LAMA5: variants seen among roughly 807,000 people sequenced by gnomAD.
LAMA5 encodes the protein laminin subunit alpha-5.
A neutral mutation model predicts 433.4 loss-of-function variants in LAMA5; 260 were observed. The ratio of observed to expected loss-of-function variants is 0.60; its 90% confidence interval spans 0.54 to 0.66. The LOEUF (loss-of-function observed/expected upper bound fraction) is 0.66. Among genes scored for constraint, LAMA5 ranks in the 30% least tolerant of loss-of-function variants. The probability of loss-of-function intolerance (pLI) is 0.00; values close to 1 mark genes in which losing one functional copy is unlikely to be tolerated. For synonymous variants in LAMA5, 2,620 were observed against 2,226.6 expected (o/e 1.18, Z -4.97); for missense variants, 5,378 against 5,258.5 (o/e 1.02, Z -0.70).
Position 62,317,024 on chromosome 20 carries a change from C to T in LAMA5, c.7512-1G>A. 2 of 1,523,510 alleles carry T rather than the reference C, an allele frequency of 1.3e-6. No individual in the cohort carries two copies. The highest frequency in any genetic ancestry group is 1.8e-6 in the Non-Finnish European group (2 of 1,133,914). 94.4% of individuals were successfully genotyped at this position (1,523,510 alleles called of 1,614,324 possible). On this transcript the variant is annotated splice_acceptor_variant, in intron 55 of 79. Transcript: ENST00000252999. LOFTEE classifies it high-confidence loss of function. ...GTCCTGGTTGACGTCCAGGATGATG[C>T]TGCAGCGGAAGGGAGGGTCGAAGGA...
rs1266917725 is a variant in LAMA5 at position 62,367,307 on chromosome 20, G to A, written c.-62C>T. The A allele has an allele frequency of 3.6e-6, 4 of 1,106,890 alleles. No individual in the cohort carries two copies. The highest frequency in any genetic ancestry group is 3.3e-6 in the Non-Finnish European group (3 of 905,592). 68.6% of individuals were successfully genotyped at this position (1,106,890 alleles called of 1,614,324 possible). On this transcript the variant is annotated 5_prime_UTR_variant, in exon 1 of 80. Transcript: ENST00000252999. ...ACAGCGCGCGCGGCGGGAGCCCGGC[G>A]GGTCTGAAGCCAGGCGGCCGGCAGG...
chr20:62,358,856 G>A (rs1985624706), intron 2 of LAMA5, among the ~76,000 whole-genome samples: 1 of 152,118 alleles, frequency 6.6e-6, no homozygotes, highest in South Asian at 2.1e-4. Context: ...ACCCCCACTT[G>A]GAGGGGACAG....
Position 62,312,799 on chromosome 20 carries a change from C to T in LAMA5, c.9079-19G>A, listed in dbSNP as rs766744406. On this transcript the variant is annotated intron_variant, in intron 66 of 79. Transcript: ENST00000252999. ...CCTGGATCTACAGGACCAGTGGGGG[C>T]TCCAGGGCCAGCTGTGTCCCTGCGG... 3.8e-6 allele frequency: 6 copies of T among 1,596,078 alleles called. No homozygotes were observed. The highest frequency in any genetic ancestry group is 1.7e-5 in the Admixed American group (1 of 58,732).
In LAMA5 at chr20:62,352,309, A is replaced by G; in HGVS notation, c.620T>C (p.Ile207Thr). ...ERFGPQTLER[I>T]TRDDAAICTT... is the part of the protein sequence containing the mutation. ...GCAGATGGCCGCGTCGTCCCGTGTG[A>G]TGCGCTCCAGCGTCTGTGGCCCGAA... Residue 207 changes from isoleucine to threonine, a missense_variant, in exon 4 of 80, where the codon ATC becomes ACC. Coordinates refer to ENST00000252999, the MANE Select transcript of LAMA5 (RefSeq NM_005560.6). 6.3e-7 allele frequency: 1 copy of G among 1,599,890 alleles called. No homozygotes were observed. The highest frequency in any genetic ancestry group is 8.5e-7 in the Non-Finnish European group (1 of 1,179,692).
chr20:62,316,049 G>A lies in LAMA5; in HGVS notation c.7766C>T (p.Ala2589Val), dbSNP rs1269916830. Residue 2589 changes from alanine to valine, a missense_variant, in exon 58 of 80, where the codon GCC becomes GTC. Physicochemically the swap from Ala to Val is moderately conservative, Grantham distance 64. Coordinates refer to ENST00000252999, the MANE Select transcript of LAMA5 (RefSeq NM_005560.6). Reference protein sequence around the residue: ...EQQRLGLVWAALQGARTQLRD... With the variant: ...EQQRLGLVWAVLQGARTQLRD... ...GAGCTGGGTCCTGGCACCCTGGAGG[G>A]CAGCCCACACTGCGGGGGAGGCAGC... 1.9e-6 allele frequency: 3 copies of A among 1,607,304 alleles called. No individual in the cohort carries two copies. The highest frequency in any genetic ancestry group is 1.7e-6 in the Non-Finnish European group (2 of 1,178,738).
At position 62,335,044 on chromosome 20, in the gene LAMA5, T is replaced by C. The variant is rs1354619563; in HGVS notation, c.2459A>G (p.Gln820Arg). The C allele has an allele frequency of 1.9e-6, 3 of 1,612,834 alleles. No homozygotes were observed. The highest frequency in any genetic ancestry group is 2.7e-5 in the African/African-American group (2 of 74,882). ...ACTGCGGCAGCCAAAATAGTCAGCC[T>C]GATCCAGTCCAAAGAAGCCATCCTT... is the stretch of plus-strand genomic sequence containing the variant. ...SCKDGFFGLD[Q>R]ADYFGCRSCR... Residue 820 changes from glutamine to arginine, a missense_variant, in exon 20 of 80, where the codon CAG becomes CGG. Transcript: ENST00000252999.
At chr20:62,361,264 G>GA (rs796472582) in intron 2 of LAMA5, among the ~76,000 whole-genome samples, 7 of 152,288 alleles carry the variant, frequency 4.6e-5, no homozygotes, top group African/African-American at 1.7e-4. Flanking sequence ...GGCCAGGGCA[G>GA]GGCTAGGGGC....
Position 62,317,441 on chromosome 20 carries a change from A to ATCCTCTGCAGCAGTGGGG in LAMA5, c.7397_7414dup (p.Thr2466_Arg2471dup). 1 of 1,599,770 alleles carries ATCCTCTGCAGCAGTGGGG rather than the reference A, an allele frequency of 6.3e-7. No individual in the cohort carries two copies. Among genetic ancestry groups the ATCCTCTGCAGCAGTGGGG allele is most frequent in the African/African-American group, 1.3e-5 (1 of 74,730 alleles). On this transcript the variant is annotated inframe_insertion, in exon 55 of 80. Transcript: ENST00000252999. Reference sequence around the variant, plus strand: ...GCTGCCCGCCGGGGAGAAGGTCTGCATCCTCTGCAGCAGTGGGGTCCGAGC... The same window carrying ATCCTCTGCAGCAGTGGGG: ...GCTGCCCGCCGGGGAGAAGGTCTGCATCCTCTGCAGCAGTGGGGTCCTCTGCAGCAGTGGGGTCCGAGC...
intron 6 of LAMA5, among the ~76,000 whole-genome samples, chr20:62,348,351 T>A (rs1328257959): frequency 2.6e-5 from 4 of 152,152 alleles, no homozygotes; most frequent in Non-Finnish European, 5.9e-5. Flanking sequence ...ACGCCTGTAA[T>A]CCCAGCACTT....
chr20:62,309,641 G>GGGGGGT (rs1329716134), intron 79 of LAMA5, 75 bp downstream of exon 79: 3 of 1,128,550 alleles, frequency 2.7e-6, no homozygotes, highest in African/African-American at 1.7e-5. Flanking sequence ...TGGAGGGGTG[G>GGGGGGT]GGGGAGGGTG....
rs760362813 is a variant in LAMA5, at chr20:62,337,608, T to A, written c.2146A>T (p.Asn716Tyr). Reference sequence around the variant, plus strand: ...TGCTCACCTTCGCAGTAGGGGAAGTTGTAGGCACCGGGCACACATGTGTCA... The same window carrying A: ...TGCTCACCTTCGCAGTAGGGGAAGTAGTAGGCACCGGGCACACATGTGTCA... The part of the protein sequence containing the change: ...RCDTCVPGAY[N>Y]FPYCEAGSCH... Residue 716 changes from asparagine (N) to tyrosine (Y), a missense_variant, in exon 16 of 80, where the codon AAC (asparagine) becomes TAC (tyrosine). Coordinates refer to ENST00000252999, the MANE Select transcript of LAMA5 (RefSeq NM_005560.6). 2 of 1,610,040 alleles carry A rather than the reference T, an allele frequency of 1.2e-6. No homozygotes were observed. The highest frequency in any genetic ancestry group is 1.1e-5 in the South Asian group (1 of 90,770).
rs1019745323 is a variant in LAMA5 at position 62,310,209 on chromosome 20, G to C, written c.10703C>G (p.Pro3568Arg). The C allele has an allele frequency of 8.7e-6, 14 of 1,612,472 alleles. No individual in the cohort carries two copies. Among genetic ancestry groups the C allele is most frequent in the East Asian group, 6.7e-5 (3 of 44,880 alleles). ...CTCGGTCACCTGCAACTGCAAGTAG[G>C]GGGGCGTCCGGGCCTGGCCCAAGTG... is the stretch of plus-strand genomic sequence containing the variant. ...IFHLGQARTP[P>R]YLQLQVTEKQ... The change falls in exon 77 of 80, where the codon CCC (proline) becomes CGC (arginine). Residue 3568 changes from proline to arginine, a missense_variant. Physicochemically the swap from Pro to Arg is moderately radical, Grantham distance 103. Coordinates refer to ENST00000252999, the MANE Select transcript of LAMA5 (RefSeq NM_005560.6).
At position 62,313,636 on chromosome 20, in the gene LAMA5, C is replaced by T. The variant is rs200207726; in HGVS notation, c.8658+13G>A. On this transcript the variant is annotated intron_variant, in intron 63 of 79. Coordinates refer to ENST00000252999, the MANE Select transcript of LAMA5 (RefSeq NM_005560.6). ...GAGCCCCTCCCAGGCTGCCCCAGGC[C>T]GGGCGGGCTCACCGTGAAGGTACTG... 1.3e-4 allele frequency: 209 copies of T among 1,611,974 alleles called. No homozygotes were observed. In the East Asian group the frequency reaches 2.9e-3, roughly 22 times the overall value.
In LAMA5 at chr20:62,367,051, TC is replaced by T; in HGVS notation, c.194del (p.Gly65GlufsTer21). 1.6e-6 allele frequency: 2 copies of T among 1,266,060 alleles called. No individual in the cohort carries two copies. The highest frequency in any genetic ancestry group is 2.0e-6 in the Non-Finnish European group (2 of 1,008,696). 78.4% of individuals were successfully genotyped at this position (1,266,060 alleles called of 1,614,324 possible). On this transcript the variant is annotated frameshift_variant, in exon 1 of 80. Coordinates refer to ENST00000252999, the MANE Select transcript of LAMA5 (RefSeq NM_005560.6). LOFTEE classifies it high-confidence loss of function. ...GARIAASATC[G>X]EEAPARGSPR... ...GGGAGCCGCGCGCCGGGGCCTCCTC[TC>T]CGCAGGTCGCGGAGGCGGCGATGCG... is the stretch of plus-strand genomic sequence containing the variant.
chr20:62,359,640 GC>G lies in LAMA5; in HGVS notation c.450+2759del, dbSNP rs1985739306. Among the ~76,000 whole-genome samples the G allele has an allele frequency of 2.6e-5, 4 of 152,200 alleles. No individual in the cohort carries two copies. In the South Asian group the frequency reaches 8.3e-4, roughly 32 times the overall value. On this transcript the variant is annotated intron_variant, in intron 2 of 79. Transcript: ENST00000252999. This position sits in a 1 kb window ranked among gnomAD's most constrained non-coding sequence, Gnocchi z 4.3. ...AGGTCACGTCTGGAACTCGGAAACTGCCCCCTGAGTCACCAGTGACCAGCGC... is the reference window on the plus strand; with the variant it reads ...AGGTCACGTCTGGAACTCGGAAACTGCCCCTGAGTCACCAGTGACCAGCGC...
intron 1 of LAMA5, among the ~76,000 whole-genome samples, chr20:62,365,213 G>A (rs1172874617): frequency 6.6e-6 from 1 of 152,246 alleles, no homozygotes; most frequent in African/African-American, 2.4e-5. Flanking sequence ...TCTCATCCAA[G>A]CTGGCTCTGA....
chr20:62,333,534 C>T (rs748175639), intron 24 of LAMA5, 30 bp downstream of exon 24: 15 of 1,572,488 alleles, frequency 9.5e-6, no homozygotes, highest in Non-Finnish European at 1.3e-5. Flanking sequence ...CTGACCCGGC[C>T]CCCAGCCCTC....
chr20:62,311,535 G>A lies in LAMA5; in HGVS notation c.9808C>T (p.Leu3270Phe), dbSNP rs1986270376. The A allele has an allele frequency of 6.2e-7, 1 of 1,609,786 alleles. No individual in the cohort carries two copies. Among genetic ancestry groups the A allele is most frequent in the South Asian group, 1.1e-5 (1 of 90,894 alleles). The change falls in exon 72 of 80, where the codon CTC (leucine) becomes TTC (phenylalanine). Residue 3270 changes from leucine to phenylalanine, a missense_variant and splice_region_variant. Physicochemically the swap from Leu to Phe is conservative, Grantham distance 22. Transcript: ENST00000252999. ...TCAAATACGCGCTGTGGGCCCAGGAGCCTGTGCAGGGCGGGCAGGCGGTCA... is the reference window on the plus strand; with the variant it reads ...TCAAATACGCGCTGTGGGCCCAGGAACCTGTGCAGGGCGGGCAGGCGGTCA... ...GCISNVFVQR[L>F]LGPQRVFDLQ...
At chr20:62,357,868 G>A (rs1250610929) in intron 2 of LAMA5, among the ~76,000 whole-genome samples, 1 of 152,164 alleles carries the variant, frequency 6.6e-6, no homozygotes, top group African/African-American at 2.4e-5. Flanking sequence ...GTGGATTCAG[G>A]GACCCCAACC....
Sources: gnomAD v4.1 joint callset for allele counts (sites outside exome capture counted in the v4.1 genomes callset) on GRCh38, gnomAD v4.1.1 for gene constraint, Gnocchi (gnomAD v3.1) non-coding constraint, MANE v1.5 for transcripts, NCBI Gene and HGNC (gene_info 2026-07-23, HGNC 2026-07-21) for gene names.